Variants in ZNF678 observed in about 807,000 individuals in gnomAD.
ZNF678 encodes the protein zinc finger protein 678.
Under a neutral mutation model 3.0 loss-of-function variants are expected in ZNF678, and 5 were observed. The observed-to-expected ratio is 1.69, with a 90% CI of 0.88 to 3.56. ZNF678 has a LOEUF of 3.56. ZNF678 is among the 30% of genes most tolerant of loss of function. The pLI is 0.00. For missense variants in ZNF678, 593 were observed against 605.0 expected, an observed-to-expected ratio of 0.98 and a Z score of 0.21; for synonymous variants, 218 against 199.6, an observed-to-expected ratio of 1.09 and a Z score of -0.78.
intron 1 of ZNF678, among the ~76,000 whole-genome samples, chr1:227,603,889 A>G (rs1465843667): frequency 6.6e-6 from 1 of 152,164 alleles, no homozygotes. Flanking sequence ...TCTCCATTCT[A>G]TCTGTAGACA....
chr1:227,651,043 A>G lies in ZNF678; in HGVS notation c.52A>G (p.Thr18Ala). The G allele has an allele frequency of 1.2e-6, 2 of 1,613,602 alleles. No individual in the cohort carries two copies. The highest frequency in any genetic ancestry group is 1.1e-5 in the South Asian group (1 of 91,058). The stretch of plus-strand genomic sequence containing the variant: ...TGTCTGTGCATTTGAAGGAGCAAAC[A>G]CCTCTACCAGTTTTTATAAACTGGT... ...IGVCAFEGAN[T>A]STSFYKLVYT... Residue 18 changes from threonine (T) to alanine (A), a missense_variant, in exon 3 of 4, where the codon ACC becomes GCC. Thr to Ala is a moderately conservative substitution (Grantham distance 58, BLOSUM62 0). Coordinates refer to ENST00000343776, the MANE Select transcript of ZNF678 (RefSeq NM_001367909.1).
chr1:227,594,220 A>G (rs879605687), intron 1 of ZNF678, among the ~76,000 whole-genome samples: 12 of 152,178 alleles, frequency 7.9e-5, no homozygotes, highest in African/African-American at 1.2e-4. Flanking sequence ...GCCAGATACC[A>G]TTTTACATTT....
At chr1:227,633,121 C>T (rs895825952) in intron 1 of ZNF678, among the ~76,000 whole-genome samples, 1 of 152,134 alleles carries the variant, frequency 6.6e-6, no homozygotes, top group Non-Finnish European at 1.5e-5. Flanking sequence ...GACACCCTGC[C>T]GGATCCGGAG....
At chr1:227,586,298 G>A (rs181583985) in intron 1 of ZNF678, among the ~76,000 whole-genome samples, 85 of 152,288 alleles carry the variant, frequency 5.6e-4, no homozygotes, top group African/African-American at 1.9e-3. Flanking sequence ...AACTGTCTTA[G>A]GAAGCACAGA....
At chr1:227,580,966 A>C (rs1657116261) in intron 1 of ZNF678, among the ~76,000 whole-genome samples, 2 of 152,108 alleles carry the variant, frequency 1.3e-5, no homozygotes, top group Admixed American at 1.3e-4. Flanking sequence ...TGATAAATTA[A>C]TATTGCAAGA....
chr1:227,574,857 C>T (rs1240390479), intron 1 of ZNF678, among the ~76,000 whole-genome samples: 13 of 152,112 alleles, frequency 8.5e-5, no homozygotes, highest in African/African-American at 2.7e-4. Context: ...GGAAGGGGTC[C>T]AATTTCAATC....
chr1:227,575,923 T>C (rs1007845060), intron 1 of ZNF678, among the ~76,000 whole-genome samples: 1 of 152,226 alleles, frequency 6.6e-6, no homozygotes, highest in Non-Finnish European at 1.5e-5. Context: ...GTTCCTTCAA[T>C]ATCTAGTTTA....
At chr1:227,633,772 C>T (rs1385202042) in intron 1 of ZNF678, among the ~76,000 whole-genome samples, 1 of 152,152 alleles carries the variant, frequency 6.6e-6, no homozygotes, top group Non-Finnish European at 1.5e-5. Flanking sequence ...GAACCCTAAA[C>T]AAATTTGAAA....
At chr1:227,593,856 C>T (rs76924915) in intron 1 of ZNF678, among the ~76,000 whole-genome samples, 7 of 32,742 alleles carry the variant, frequency 2.1e-4, no homozygotes, top group African/African-American at 1.3e-3. Context: ...ATGAGTCCAT[C>T]CCCCCCCCCC....
intron 3 of ZNF678, among the ~76,000 whole-genome samples, chr1:227,653,596 A>G (rs915183303): frequency 6.6e-6 from 1 of 152,106 alleles, no homozygotes; most frequent in Non-Finnish European, 1.5e-5. Context: ...CACAGTCTTT[A>G]TAAGTGGCTT....
intron 1 of ZNF678, among the ~76,000 whole-genome samples, chr1:227,568,431 G>A (rs550112264): frequency 3.0e-4 from 46 of 152,100 alleles, no homozygotes; most frequent in African/African-American, 9.9e-4. Flanking sequence ...CATCATCTAA[G>A]TCAAAATGAG....
chr1:227,580,763 T>C (rs1657110096), intron 1 of ZNF678, among the ~76,000 whole-genome samples: 1 of 152,040 alleles, frequency 6.6e-6, no homozygotes, highest in Non-Finnish European at 1.5e-5. Flanking sequence ...AATACCCGTC[T>C]CTACTAAAAA....
chr1:227,616,313 A>G (rs1222440344), intron 1 of ZNF678, among the ~76,000 whole-genome samples: 1 of 150,842 alleles, frequency 6.6e-6, no homozygotes, highest in Non-Finnish European at 1.5e-5. Context: ...ATAAAGGCAT[A>G]TATATAGGGT....
At chr1:227,642,238 G>A (rs1658839693) in intron 1 of ZNF678, among the ~76,000 whole-genome samples, 2 of 152,194 alleles carry the variant, frequency 1.3e-5, no homozygotes, top group Non-Finnish European at 2.9e-5. Flanking sequence ...CATCAACATA[G>A]ACTTTGTAAA....
downstream of ZNF678, among the ~76,000 whole-genome samples, chr1:227,663,859 C>A (rs1659456935): frequency 6.6e-6 from 1 of 152,182 alleles, no homozygotes; most frequent in South Asian, 2.1e-4. Flanking sequence ...ACTTTTGTCT[C>A]CTCTGATCCC....
intron 1 of ZNF678, among the ~76,000 whole-genome samples, chr1:227,600,812 C>T (rs182892186): frequency 6.6e-6 from 1 of 152,250 alleles, no homozygotes; most frequent in Admixed American, 6.5e-5. Context: ...CCAGTTTTTC[C>T]TTTCAGTGCA....
intron 1 of ZNF678, among the ~76,000 whole-genome samples, chr1:227,640,917 G>T (rs1291467686): frequency 6.6e-6 from 1 of 152,218 alleles, no homozygotes; most frequent in Non-Finnish European, 1.5e-5. Flanking sequence ...TCCCCAAACG[G>T]AATCAAATGG....
downstream of ZNF678, among the ~76,000 whole-genome samples, chr1:227,678,101 A>C (rs1310583315): frequency 6.6e-6 from 1 of 152,194 alleles, no homozygotes. Flanking sequence ...ACTTTAGTCC[A>C]CCAAATAATG....
intron 3 of ZNF678, 69 bp from the exon 4 acceptor site, chr1:227,654,267 A>G (rs1282612422): frequency 1.4e-5 from 16 of 1,164,308 alleles, no homozygotes; most frequent in Non-Finnish European, 1.7e-5. Context: ...AATTATATTT[A>G]TTAGATTTGT....
Sources: gnomAD v4.1 joint callset for allele counts (sites outside exome capture counted in the v4.1 genomes callset) on GRCh38, gnomAD v4.1.1 for gene constraint, MANE v1.5 for transcripts, NCBI Gene and HGNC (gene_info 2026-07-23, HGNC 2026-07-21) for gene names.